Variants in LSAMP observed in about 807,000 individuals in gnomAD.
The protein encoded by LSAMP is limbic system-associated membrane protein.
A neutral mutation model predicts 38.6 loss-of-function variants in LSAMP; 7 were observed. That is an observed-to-expected ratio of 0.18 (90% CI 0.10 to 0.34). The LOEUF is 0.34. LSAMP is among the 10% of genes least tolerant of loss of function. The pLI is 1.00. For missense variants in LSAMP, 313 were observed against 420.0 expected, an observed-to-expected ratio of 0.75 and a Z score of 2.23; for synonymous variants, 154 against 166.8, an observed-to-expected ratio of 0.92 and a Z score of 0.59.
chr3:116,443,435 C>T (rs1267993781), intron 1 of LSAMP, among the ~76,000 whole-genome samples: 1 of 152,082 alleles, frequency 6.6e-6, no homozygotes, highest in Non-Finnish European at 1.5e-5. Flanking sequence ...CATTTTCTTA[C>T]TTTTTACAAT....
chr3:115,937,877 T>C (rs552774066), intron 3 of LSAMP, among the ~76,000 whole-genome samples: 1 of 152,244 alleles, frequency 6.6e-6, no homozygotes, highest in East Asian at 1.9e-4. Flanking sequence ...TATGATCTGG[T>C]TGTGTTTACT....
intron 3 of LSAMP, among the ~76,000 whole-genome samples, chr3:115,879,791 C>G (rs1416506424): frequency 6.6e-6 from 1 of 152,120 alleles, no homozygotes; most frequent in Non-Finnish European, 1.5e-5. Context: ...GGGTAAAACT[C>G]AGAGCCATGG....
chr3:116,242,856 T>C (rs558678907), intron 1 of LSAMP, among the ~76,000 whole-genome samples: 2 of 152,268 alleles, frequency 1.3e-5, no homozygotes, highest in African/African-American at 2.4e-5. Flanking sequence ...CAAATTGTTA[T>C]TGAATTATTT....
At position 116,168,016 on chromosome 3, in the gene LSAMP, C is replaced by T. The variant is rs1350788; in HGVS notation, c.156-81460G>A. ...ATTGAAGAAGGAAAACCAACTCTGTCCCAACAGACTCAGCAGGTTGAGCCC... is the reference window on the plus strand; with the variant it reads ...ATTGAAGAAGGAAAACCAACTCTGTTCCAACAGACTCAGCAGGTTGAGCCC... On this transcript the variant is annotated intron_variant, in intron 1 of 6. Coordinates refer to ENST00000490035, the MANE Select transcript of LSAMP (RefSeq NM_002338.5). Among the ~76,000 whole-genome samples the T allele has an allele frequency of 4.6e-5, 7 of 152,258 alleles. 1 individual carries two copies. In the South Asian group the frequency reaches 1.4e-3, roughly 32 times the overall value.
chr3:116,407,987 T>A (rs1193359909), intron 1 of LSAMP, among the ~76,000 whole-genome samples: 3 of 152,064 alleles, frequency 2.0e-5, no homozygotes, highest in Non-Finnish European at 2.9e-5. Flanking sequence ...CATCAGAGCC[T>A]AATGTAAGCT....
intron 2 of LSAMP, among the ~76,000 whole-genome samples, chr3:116,061,126 C>A (rs1941587200): frequency 6.6e-6 from 1 of 151,886 alleles, no homozygotes; most frequent in African/African-American, 2.4e-5. Context: ...AGCACCTGTT[C>A]AATTCTCACA....
chr3:116,205,549 T>C (rs1261166609), intron 1 of LSAMP, among the ~76,000 whole-genome samples: 1 of 73,276 alleles, frequency 1.4e-5, no homozygotes, highest in Non-Finnish European at 2.7e-5. Context: ...TTGTCATAGA[T>C]AGCTCTTATT....
intron 3 of LSAMP, among the ~76,000 whole-genome samples, chr3:115,971,849 T>C (rs992516717): frequency 6.6e-6 from 1 of 152,138 alleles, no homozygotes; most frequent in Non-Finnish European, 1.5e-5. Flanking sequence ...ATCAATTAAT[T>C]TTATAGGCTT....
Position 116,385,580 on chromosome 3 carries a change from G to A in LSAMP, c.155+59297C>T, listed in dbSNP as rs956693095. On this transcript the variant is annotated intron_variant, in intron 1 of 6. Transcript: ENST00000490035. The stretch of plus-strand genomic sequence containing the variant: ...TCAGTGTGATGTCCCTATTCTCTAT[G>A]CATCTTTGCAAATTTAAGGATTCAC... Among the ~76,000 whole-genome samples the A allele has an allele frequency of 2.0e-5, 3 of 152,064 alleles. No individual in the cohort carries two copies. The East Asian group carries it at 5.8e-4, about 29-fold the overall frequency.
chr3:116,183,982 C>T (rs1710550356), intron 1 of LSAMP, among the ~76,000 whole-genome samples: 1 of 151,664 alleles, frequency 6.6e-6, no homozygotes, highest in African/African-American at 2.4e-5. Context: ...ATTCTATAAG[C>T]AATAAGGCTT....
At chr3:116,125,161 G>C (rs1708979329) in intron 1 of LSAMP, among the ~76,000 whole-genome samples, 1 of 152,142 alleles carries the variant, frequency 6.6e-6, no homozygotes, top group South Asian at 2.1e-4. Context: ...GAACAAGACA[G>C]TGACAAATTC....
At chr3:115,889,880 G>T (rs114762018) in intron 3 of LSAMP, among the ~76,000 whole-genome samples, 1 of 151,856 alleles carries the variant, frequency 6.6e-6, no homozygotes, top group African/African-American at 2.4e-5. Context: ...ATCATATTAA[G>T]AGCATCTTAT....
intron 3 of LSAMP, among the ~76,000 whole-genome samples, chr3:116,015,438 G>A (rs370669860): frequency 4.6e-5 from 7 of 152,186 alleles, no homozygotes; most frequent in Admixed American, 6.6e-5. Context: ...GAAAATACAC[G>A]TTACAGTGCA....
At chr3:116,381,181 A>G (rs1445633501) in intron 1 of LSAMP, among the ~76,000 whole-genome samples, 1 of 152,104 alleles carries the variant, frequency 6.6e-6, no homozygotes, top group African/African-American at 2.4e-5. Context: ...CTTGTTTTAT[A>G]GAAAATATTT....
At chr3:116,136,806 T>C (rs1015484495) in intron 1 of LSAMP, among the ~76,000 whole-genome samples, 2 of 152,110 alleles carry the variant, frequency 1.3e-5, no homozygotes, top group Non-Finnish European at 2.9e-5. Flanking sequence ...GGTGCTATGG[T>C]ACCAAGTAAG....
At chr3:116,034,570 G>A (rs1941006546) in intron 2 of LSAMP, among the ~76,000 whole-genome samples, 1 of 152,130 alleles carries the variant, frequency 6.6e-6, no homozygotes, top group Non-Finnish European at 1.5e-5. Flanking sequence ...TGTGTGATAA[G>A]GGAGTTAACG....
chr3:115,839,045 C>A (rs891860412), intron 6 of LSAMP, among the ~76,000 whole-genome samples: 1 of 152,148 alleles, frequency 6.6e-6, no homozygotes, highest in Non-Finnish European at 1.5e-5. Context: ...CCGTCAGGGC[C>A]GTGGCCACAG....
At chr3:116,320,400 G>A (rs985520561) in intron 1 of LSAMP, among the ~76,000 whole-genome samples, 11 of 151,970 alleles carry the variant, frequency 7.2e-5, no homozygotes, top group African/African-American at 1.7e-4. Flanking sequence ...GTGACAGAGC[G>A]AGGCTCTGTC....
intron 6 of LSAMP, among the ~76,000 whole-genome samples, chr3:115,829,722 T>A (rs1331667882): frequency 1.3e-5 from 2 of 152,222 alleles, no homozygotes; most frequent in African/African-American, 4.8e-5. Context: ...TCTTCTTAAA[T>A]GTAATATTAT....
Sources: allele counts gnomAD v4.1 joint callset (sites outside exome capture counted in the v4.1 genomes callset), GRCh38; gene constraint gnomAD v4.1.1; transcripts MANE v1.5; gene names NCBI Gene and HGNC (gene_info 2026-07-23, HGNC 2026-07-21).